EPB41L3: variants seen among roughly 807,000 people sequenced by gnomAD.
The protein encoded by EPB41L3 is band 4.1-like protein 3.
Under a neutral mutation model 127.1 loss-of-function variants are expected in EPB41L3, and 57 were observed. The ratio of observed to expected loss-of-function variants is 0.45; its 90% CI spans 0.36 to 0.56. The LOEUF (loss-of-function observed/expected upper bound fraction) is 0.56. EPB41L3 is among the 20% of genes least tolerant of loss of function. EPB41L3 has a pLI of 0.00. For synonymous variants in EPB41L3, 572 were observed against 549.5 expected (o/e 1.04, Z -0.57); for missense variants, 1,273 against 1,372.2 (o/e 0.93, Z 1.14).
At chr18:5,593,895 G>T (rs1238714031) in intron 3 of EPB41L3, among the ~76,000 whole-genome samples, 2 of 152,212 alleles carry the variant, frequency 1.3e-5, no homozygotes, top group African/African-American at 4.8e-5. Context: ...CTCACCGGCG[G>T]TCAGAGTTTA....
chr18:5,497,406 G>A (rs2091280223), intron 1 of EPB41L3, among the ~76,000 whole-genome samples: 1 of 152,192 alleles, frequency 6.6e-6, no homozygotes, highest in Admixed American at 6.5e-5. Context: ...GGTAGCAGGT[G>A]AGGGAACGAA....
At chr18:5,579,175 T>C (rs568274575) in intron 3 of EPB41L3, among the ~76,000 whole-genome samples, 14 of 152,226 alleles carry the variant, frequency 9.2e-5, no homozygotes, top group Non-Finnish European at 2.1e-4. Context: ...TTTTAAAAAC[T>C]TAAACACAAT....
chr18:5,574,058 G>A (rs940640182), intron 3 of EPB41L3, among the ~76,000 whole-genome samples: 4 of 151,742 alleles, frequency 2.6e-5, no homozygotes, highest in Admixed American at 6.6e-5. Context: ...CTACAGGCAC[G>A]CACCACCTTT....
Position 5,423,439 on chromosome 18 carries a change from T to C in EPB41L3, c.1278A>G (p.Pro426=), listed in dbSNP as rs1307919368. 6.2e-7 allele frequency: 1 copy of C among 1,613,898 alleles called. No individual in the cohort carries two copies. The highest frequency in any genetic ancestry group is 1.1e-5 in the South Asian group (1 of 91,072). Residue 426 remains proline, a synonymous_variant, in exon 11 of 23, where the codon CCA becomes CCG. Coordinates refer to ENST00000341928, the MANE Select transcript of EPB41L3 (RefSeq NM_012307.5). The part of the protein sequence containing the change: ...TRRASALIDR[P]APYFERSSSK... ...TGGATGAGCGTTCAAAGTAAGGTGC[T>C]GGGCGATCTATCAACGCACTGGCTC... is the stretch of plus-strand genomic sequence containing the variant.
chr18:5,452,632 G>A (rs781438730), intron 3 of EPB41L3, among the ~76,000 whole-genome samples: 17 of 152,064 alleles, frequency 1.1e-4, no homozygotes, highest in Non-Finnish European at 2.4e-4. Flanking sequence ...AAAAATAAAA[G>A]TTCTCAGGAA....
At chr18:5,398,170 A>G in intron 16 of EPB41L3, 27 bp from the exon 17 acceptor site, 1 of 1,612,544 alleles carries the variant, frequency 6.2e-7, no homozygotes, top group Non-Finnish European at 8.5e-7. Flanking sequence ...AGGCAGAGTC[A>G]AGCACAAAAG....
intron 3 of EPB41L3, among the ~76,000 whole-genome samples, chr18:5,470,014 G>T (rs1254645256): frequency 2.0e-5 from 3 of 152,066 alleles, no homozygotes. Context: ...TCCTGACCTC[G>T]TGATCTACCC....
intron 1 of EPB41L3, among the ~76,000 whole-genome samples, chr18:5,618,212 T>A (rs764308653): frequency 1.3e-5 from 2 of 152,212 alleles, no homozygotes; most frequent in Non-Finnish European, 2.9e-5. Context: ...CTTTTATCAC[T>A]CTAGTCTTTT....
chr18:5,464,166 C>T lies in EPB41L3; in HGVS notation c.381+14075G>A, dbSNP rs1015322325. Among the ~76,000 whole-genome samples, 8 of 152,278 alleles carry T rather than the reference C, an allele frequency of 5.3e-5. 1 individual carries two copies. The highest frequency in any genetic ancestry group is 4.6e-4 in the Admixed American group (7 of 15,292). ...ATAAATATCACGCACATAGTTAGAA[C>T]TATTCCGGAAATTTAAAGAATTAAA... On this transcript the variant is annotated intron_variant, in intron 3 of 22. Transcript: ENST00000341928.
intron 3 of EPB41L3, among the ~76,000 whole-genome samples, chr18:5,588,821 T>C (rs998266056): frequency 2.0e-5 from 3 of 152,088 alleles, no homozygotes; most frequent in African/African-American, 4.8e-5. Flanking sequence ...AAAAAAGCAA[T>C]TGCATCTAAG....
At chr18:5,508,766 CAAAAAA>C (rs397969769) in intron 1 of EPB41L3, among the ~76,000 whole-genome samples, 8 of 52,596 alleles carry the variant, frequency 1.5e-4, no homozygotes, top group African/African-American at 4.9e-4. Context: ...GACTCCATCT[CAAAAAA>C]AAAAAAAAAA....
chr18:5,594,041 A>T (rs2094513185), intron 3 of EPB41L3, among the ~76,000 whole-genome samples: 1 of 152,218 alleles, frequency 6.6e-6, no homozygotes, highest in South Asian at 2.1e-4. Context: ...CTGAGGCAAC[A>T]TACATCCTCC....
intron 6 of EPB41L3, among the ~76,000 whole-genome samples, chr18:5,437,413 C>A (rs1433135047): frequency 6.6e-6 from 1 of 152,164 alleles, no homozygotes; most frequent in Non-Finnish European, 1.5e-5. Context: ...AAATAAGTTT[C>A]TATTGTTTAT....
In EPB41L3 at chr18:5,410,590, G is replaced by C. The variant is rs140128908; in HGVS notation, c.2097C>G (p.Ala699=). The change falls in exon 14 of 23, where the codon GCC becomes GCG. Residue 699 remains alanine, a synonymous_variant. Transcript: ENST00000341928. ...CCTCAGTGGCAGTGGTCTCCCCGTC[G>C]GCTGCGGTGTCCGTGCGCTCACTGT... ...ETDSERTDTA[A]DGETTATESD... The C allele has an allele frequency of 2.5e-6, 4 of 1,613,452 alleles. No individual in the cohort carries two copies. The African/African-American group carries it at 5.3e-5, about 22-fold the overall frequency.
chr18:5,473,295 T>C (rs887262625), intron 3 of EPB41L3, among the ~76,000 whole-genome samples: 1 of 151,972 alleles, frequency 6.6e-6, no homozygotes, highest in Non-Finnish European at 1.5e-5. Context: ...GACTTTCACA[T>C]GAGGAGAGAA....
Position 5,406,843 on chromosome 18 carries a change from G to C in EPB41L3, c.2283C>G (p.Thr761=). The C allele has an allele frequency of 6.2e-7, 1 of 1,614,206 alleles. No individual in the cohort carries two copies. The highest frequency in any genetic ancestry group is 8.5e-7 in the Non-Finnish European group (1 of 1,180,022). ...VTNEWEKRLS[T]SPVRLAARQE... ...GCCTGGCGGCCAGTCGCACGGGGGA[G>C]GTGGAAAGCCTCTTCTCCCATTCAT... is the stretch of plus-strand genomic sequence containing the variant. Residue 761 remains threonine (T), a synonymous_variant, in exon 16 of 23, where the codon ACC becomes ACG. Coordinates refer to ENST00000341928, the MANE Select transcript of EPB41L3 (RefSeq NM_012307.5).
intron 5 of EPB41L3, 85 bp downstream of exon 5, chr18:5,443,753 C>A: frequency 9.8e-7 from 1 of 1,015,510 alleles, no homozygotes; most frequent in Non-Finnish European, 1.5e-6. Flanking sequence ...TTCACACTAG[C>A]CACTTAGGTA....
At chr18:5,624,670 C>A (rs182589531) in intron 1 of EPB41L3, among the ~76,000 whole-genome samples, 43 of 152,288 alleles carry the variant, frequency 2.8e-4, no homozygotes, top group Non-Finnish European at 2.9e-5. Flanking sequence ...CTGTCATAAA[C>A]TCTCCTCAGA....
rs192354957 is a variant in EPB41L3 at position 5,436,691 on chromosome 18, C to T, written c.605+1344G>A. Among the ~76,000 whole-genome samples, 330 of 152,118 alleles carry T rather than the reference C, an allele frequency of 2.2e-3. 1 individual carries two copies. The highest frequency in any genetic ancestry group is 7.2e-3 in the African/African-American group (298 of 41,524). On this transcript the variant is annotated intron_variant, in intron 6 of 22. Coordinates refer to ENST00000341928, the MANE Select transcript of EPB41L3 (RefSeq NM_012307.5). ...CCAAAGTGCTGGGATTACAGGCGTG[C>T]GCCACCGTGCCTGGCCCACCATGAA...
Sources: allele counts gnomAD v4.1 joint callset (sites outside exome capture counted in the v4.1 genomes callset), GRCh38; gene constraint gnomAD v4.1.1; transcripts MANE v1.5; gene names NCBI Gene and HGNC (gene_info 2026-07-23, HGNC 2026-07-21).